The following SLC29A4 variants were observed in gnomAD, a reference collection of about 807,000 sequenced individuals.
The protein encoded by SLC29A4 is solute carrier family 29 member 4.
Under a neutral mutation model 43.9 loss-of-function variants are expected in SLC29A4, and 36 were observed. That is an observed-to-expected ratio of 0.82 (90% CI 0.63 to 1.08). SLC29A4 has a LOEUF of 1.08. Ranked by LOEUF, SLC29A4 falls within the 50% of genes least tolerant of loss-of-function variation. SLC29A4 has a pLI of 0.00. For synonymous variants in SLC29A4, 491 were observed against 338.0 expected (o/e 1.45, Z -4.97); for missense variants, 869 against 755.3 (o/e 1.15, Z -1.77).
chr7:5,287,952 A>C lies in SLC29A4; in HGVS notation c.136A>C (p.Arg46=), dbSNP rs1785064173. ...AAEAAQGQGL[R]ARGVPAFTDT... The stretch of plus-strand genomic sequence containing the variant: ...GGAGGCGGCTCAGGGCCAGGGCCTT[A>C]GGGCCAGGGGCGTCCCAGCTTTCAC... Residue 46 remains arginine, a synonymous_variant, in exon 2 of 11, where the codon AGG becomes CGG. Transcript: ENST00000396872. 5 of 1,611,332 alleles carry C rather than the reference A, an allele frequency of 3.1e-6. No individual in the cohort carries two copies. Among genetic ancestry groups the C allele is most frequent in the Non-Finnish European group, 4.2e-6 (5 of 1,179,654 alleles).
chr7:5,296,745 C>G (rs1044716114), intron 6 of SLC29A4, among the ~76,000 whole-genome samples, 191 bp from the exon 7 acceptor site: 1 of 128,426 alleles, frequency 7.8e-6, no homozygotes, highest in African/African-American at 2.9e-5. Context: ...GCGGGGCCGG[C>G]GGTGATGGGC....
chr7:5,292,875 T>C (rs1471296312), intron 5 of SLC29A4, among the ~76,000 whole-genome samples: 2 of 151,466 alleles, frequency 1.3e-5, no homozygotes, highest in East Asian at 3.9e-4. Context: ...ATTTTTGTAT[T>C]TTTAGTAGAG....
chr7:5,285,269 C>T (rs1784876085), intron 1 of SLC29A4, among the ~76,000 whole-genome samples: 2 of 151,996 alleles, frequency 1.3e-5, no homozygotes, highest in Admixed American at 1.3e-4. Flanking sequence ...CACCCCACCC[C>T]ACCCCCAACC....
chr7:5,299,656 G>A (rs771270252), intron 9 of SLC29A4, among the ~76,000 whole-genome samples: 3 of 152,216 alleles, frequency 2.0e-5, no homozygotes, highest in Admixed American at 1.3e-4. Flanking sequence ...GAGGACAGGC[G>A]TGGCCCTCAC....
intron 1 of SLC29A4, among the ~76,000 whole-genome samples, chr7:5,285,979 C>T (rs985728521): frequency 3.3e-5 from 5 of 152,034 alleles, no homozygotes; most frequent in Non-Finnish European, 7.4e-5. Context: ...CACTGCACTC[C>T]AGCCTTGGCA....
Position 5,294,854 on chromosome 7 carries a change from C to CTT in SLC29A4, c.545-5_545-4dup. On this transcript the variant is annotated splice_polypyrimidine_tract_variant and splice_region_variant and intron_variant, in intron 5 of 10. Coordinates refer to ENST00000396872, the MANE Select transcript of SLC29A4 (RefSeq NM_153247.4). ...CTCTGGGTTGTTCCTCTCTCTCTCT[C>CTT]TTAAGTGCAGCAATCCAGCTTCTAC... is the stretch of plus-strand genomic sequence containing the variant. 6.2e-7 allele frequency: 1 copy of CTT among 1,612,308 alleles called. No individual in the cohort carries two copies. Among genetic ancestry groups the CTT allele is most frequent in the Admixed American group, 1.7e-5 (1 of 59,918 alleles).
intron 6 of SLC29A4, 23 bp from the exon 7 acceptor site, chr7:5,296,913 G>T: frequency 6.4e-7 from 1 of 1,570,230 alleles, no homozygotes; most frequent in Non-Finnish European, 8.6e-7. Flanking sequence ...ATCAGGCCCC[G>T]GCCCACTGTG....
intron 1 of SLC29A4, among the ~76,000 whole-genome samples, chr7:5,286,720 C>T (rs993851092): frequency 2.6e-5 from 4 of 152,046 alleles, no homozygotes; most frequent in African/African-American, 4.8e-5. Flanking sequence ...AAGAACTTCC[C>T]GCCATAAGGG....
chr7:5,296,819 T>G, intron 6 of SLC29A4, 117 bp from the exon 7 acceptor site: 1 of 1,079,064 alleles, frequency 9.3e-7, no homozygotes, highest in Non-Finnish European at 1.2e-6. Flanking sequence ...GGGCAGGGCC[T>G]GTGGTGGAGG....
chr7:5,287,776 C>T (rs1358911345), intron 1 of SLC29A4, 33 bp from the exon 2 acceptor site: 7 of 1,598,902 alleles, frequency 4.4e-6, no homozygotes, highest in Non-Finnish European at 6.0e-6. Context: ...AGCCTTCTTC[C>T]CTCACCTGCT....
chr7:5,283,798 G>C (rs1269169496), intron 1 of SLC29A4, among the ~76,000 whole-genome samples: 1 of 152,226 alleles, frequency 6.6e-6, no homozygotes, highest in Non-Finnish European at 1.5e-5. Context: ...AACTAACCAG[G>C]GCTGGTGACT....
In SLC29A4 at chr7:5,303,269, C is replaced by T; in HGVS notation, c.*330C>T. The T allele has an allele frequency of 9.8e-6, 4 of 406,932 alleles. No homozygotes were observed. The highest frequency in any genetic ancestry group is 2.7e-5 in the South Asian group (1 of 37,674). The allele number at this position is 406,932 out of a possible 1,614,324, so 25.2% of individuals were successfully genotyped here. On this transcript the variant is annotated 3_prime_UTR_variant, in exon 11 of 11. Transcript: ENST00000396872. ...CTGCAGGGTCACACGCACCGTGTCC[C>T]CACCCAGGACAGCAGACACCCGCCA...
At chr7:5,295,236 G>T (rs989184634) in intron 6 of SLC29A4, among the ~76,000 whole-genome samples, 1 of 151,956 alleles carries the variant, frequency 6.6e-6, no homozygotes, top group Non-Finnish European at 1.5e-5. Context: ...TGTGTGTTTG[G>T]TAAGTCTGCG....
chr7:5,302,587 A>G (rs1344221989), intron 10 of SLC29A4, among the ~76,000 whole-genome samples: 1 of 152,212 alleles, frequency 6.6e-6, no homozygotes, highest in East Asian at 1.9e-4. Context: ...GAAGGCAGGC[A>G]AGGCCTGGAG....
At chr7:5,302,277 T>G (rs548383873) in intron 10 of SLC29A4, among the ~76,000 whole-genome samples, 1 of 152,096 alleles carries the variant, frequency 6.6e-6, no homozygotes, top group Non-Finnish European at 1.5e-5. Flanking sequence ...ATGGGGAGGG[T>G]TAGGGCCAGG....
intron 9 of SLC29A4, 81 bp from the exon 10 acceptor site, chr7:5,300,341 A>G: frequency 3.8e-6 from 6 of 1,592,188 alleles, no homozygotes; most frequent in Non-Finnish European, 5.1e-6. Flanking sequence ...AGGGATGGGG[A>G]TGTGGCTAGA....
chr7:5,288,159 GTC>G (rs932464872), intron 2 of SLC29A4, among the ~76,000 whole-genome samples, 174 bp downstream of exon 2: 2 of 152,150 alleles, frequency 1.3e-5, no homozygotes, highest in African/African-American at 4.8e-5. Flanking sequence ...CCTTCTCAGT[GTC>G]TCCGCCCTGA....
At position 5,292,690 on chromosome 7, in the gene SLC29A4, CTTTTT is replaced by C. The variant is rs1056329272; in HGVS notation, c.544+893_544+897del. On this transcript the variant is annotated intron_variant, in intron 5 of 10. Coordinates refer to ENST00000396872, the MANE Select transcript of SLC29A4 (RefSeq NM_153247.4). The stretch of plus-strand genomic sequence containing the variant: ...TTCTACCAGCCAAGACATTTTTTTC[CTTTTT>C]TTTTTTTTTTTTTTTTTTTTTTTGA... Among the ~76,000 whole-genome samples, 292 of 67,366 alleles carry C rather than the reference CTTTTT, an allele frequency of 4.3e-3. 1 individual carries two copies. The highest frequency in any genetic ancestry group is 0.019 in the East Asian group (33 of 1,750). 44.2% of individuals were successfully genotyped at this position (67,366 alleles called of 152,430 possible). A position where few individuals can be genotyped will look rare whatever the true frequency, so the allele number is the denominator to read the frequency against.
intron 1 of SLC29A4, among the ~76,000 whole-genome samples, chr7:5,287,510 C>A (rs1321439993): frequency 6.6e-6 from 1 of 152,180 alleles, no homozygotes; most frequent in Non-Finnish European, 1.5e-5. Context: ...GGACGGTCCC[C>A]CCAGGGGATA....
Sources: allele counts gnomAD v4.1 joint callset (sites outside exome capture counted in the v4.1 genomes callset), GRCh38; gene constraint gnomAD v4.1.1; transcripts MANE v1.5; gene names NCBI Gene and HGNC (gene_info 2026-07-23, HGNC 2026-07-21).